ARFGEF1: variants seen among roughly 807,000 people sequenced by gnomAD.
The protein encoded by ARFGEF1 is brefeldin A-inhibited guanine nucleotide-exchange protein 1.
In ARFGEF1, 42 loss-of-function variants were observed where a neutral mutation model predicts 231.0. The observed-to-expected ratio is 0.18, with a 90% CI of 0.14 to 0.24. The LOEUF (loss-of-function observed/expected upper bound fraction) is 0.24, where lower values mean the gene tolerates loss of function less well. Ranked by LOEUF, ARFGEF1 falls within the 10% of genes least tolerant of loss-of-function variation. The pLI is 1.00. For synonymous variants in ARFGEF1, 710 were observed against 732.3 expected (o/e 0.97, Z 0.49); for missense variants, 1,345 against 2,192.0 (o/e 0.61, Z 7.72).
At position 67,225,046 on chromosome 8, in the gene ARFGEF1, AG is replaced by A; in HGVS notation, c.4078-14del. 6.3e-7 allele frequency: 1 copy of A among 1,581,880 alleles called. No individual in the cohort carries two copies. The highest frequency in any genetic ancestry group is 1.2e-5 in the South Asian group (1 of 84,064). ...ATTCCTTGAAAGCCTTCAAGAAAAAAGGTAGGGTTATTAAAGGCAAAACATA... is the reference window on the plus strand; with the variant it reads ...ATTCCTTGAAAGCCTTCAAGAAAAAAGTAGGGTTATTAAAGGCAAAACATA... On this transcript the variant is annotated splice_polypyrimidine_tract_variant and intron_variant, in intron 28 of 38. Coordinates refer to ENST00000262215, the MANE Select transcript of ARFGEF1 (RefSeq NM_006421.5).
chr8:67,199,243 G>C, intron 38 of ARFGEF1, 145 bp from the exon 39 acceptor site: 2 of 869,456 alleles, frequency 2.3e-6, no homozygotes, highest in Non-Finnish European at 3.4e-6. Context: ...TTGTGGAACT[G>C]AGAGACAGAA....
At chr8:67,248,719 A>G (rs751025944) in intron 19 of ARFGEF1, among the ~76,000 whole-genome samples, 2 of 150,506 alleles carry the variant, frequency 1.3e-5, no homozygotes, top group Non-Finnish European at 2.9e-5. Flanking sequence ...AGTGGTTCTC[A>G]TTGTGCAGCT....
chr8:67,300,851 T>TAA (rs762595248), intron 3 of ARFGEF1, among the ~76,000 whole-genome samples: 10 of 130,922 alleles, frequency 7.6e-5, no homozygotes, highest in South Asian at 2.4e-4. Flanking sequence ...CTCAAAAAAT[T>TAA]AAAAAAAAAA....
At chr8:67,239,605 T>A (rs1314140917) in intron 20 of ARFGEF1, among the ~76,000 whole-genome samples, 1 of 152,196 alleles carries the variant, frequency 6.6e-6, no homozygotes, top group African/African-American at 2.4e-5. Context: ...ATTTATACAT[T>A]TGCTCATTTT....
At chr8:67,272,150 T>C (rs1023891030) in intron 9 of ARFGEF1, among the ~76,000 whole-genome samples, 1 of 152,194 alleles carries the variant, frequency 6.6e-6, no homozygotes, top group African/African-American at 2.4e-5. Context: ...CCCTGAACCA[T>C]ATATTTATAA....
chr8:67,227,025 G>A (rs1839397639), intron 27 of ARFGEF1, 112 bp downstream of exon 27: 3 of 962,284 alleles, frequency 3.1e-6, no homozygotes, highest in South Asian at 4.3e-5. Context: ...TGTAGACAAA[G>A]CTTGGTAAAC....
chr8:67,326,591 T>C (rs1807844520), intron 1 of ARFGEF1, among the ~76,000 whole-genome samples: 1 of 152,202 alleles, frequency 6.6e-6, no homozygotes. Flanking sequence ...TTAGGTTCTC[T>C]CAAAAATACT....
intron 22 of ARFGEF1, among the ~76,000 whole-genome samples, chr8:67,235,583 T>C (rs1204677664): frequency 6.6e-6 from 1 of 152,070 alleles, no homozygotes. Flanking sequence ...AGTCCTAGCA[T>C]TTTGGGAGGC....
chr8:67,200,059 C>T (rs1838271807), intron 38 of ARFGEF1: 4 of 367,222 alleles, frequency 1.1e-5, no homozygotes, highest in South Asian at 8.2e-5. Flanking sequence ...AGTACAAGGC[C>T]ATGAGGTGGT....
chr8:67,326,834 A>G (rs1472595041), intron 1 of ARFGEF1, among the ~76,000 whole-genome samples: 3 of 152,234 alleles, frequency 2.0e-5, no homozygotes, highest in Admixed American at 2.0e-4. Context: ...TATCAATGAC[A>G]TTAAGTCAGG....
intron 19 of ARFGEF1, among the ~76,000 whole-genome samples, chr8:67,241,980 G>A (rs1051098062): frequency 6.6e-6 from 1 of 152,194 alleles, no homozygotes; most frequent in Non-Finnish European, 1.5e-5. Context: ...GCAAAACTGA[G>A]CTGAACTGAG....
rs142161729 is a variant in ARFGEF1, at chr8:67,200,575, A to T, written c.5268-62T>A. On this transcript the variant is annotated intron_variant, in intron 37 of 38. Coordinates refer to ENST00000262215, the MANE Select transcript of ARFGEF1 (RefSeq NM_006421.5). ...TATCTACTGGTCCCCATATTCACCG[A>T]GAAAGAGCAATCATGAACATAGTAG... The T allele has an allele frequency of 9.5e-3, 9,472 of 994,970 alleles. 55 individuals carry two copies. Among genetic ancestry groups the T allele is most frequent in the South Asian group, 0.013 (902 of 69,258 alleles). 61.6% of individuals were successfully genotyped at this position (994,970 alleles called of 1,614,324 possible).
intron 19 of ARFGEF1, among the ~76,000 whole-genome samples, chr8:67,244,446 C>T (rs1232916211): frequency 1.4e-5 from 2 of 147,778 alleles, no homozygotes; most frequent in Non-Finnish European, 1.5e-5. Flanking sequence ...GTAGCTGGAA[C>T]CACAGGCACA....
intron 31 of ARFGEF1, 39 bp from the exon 32 acceptor site, chr8:67,217,959 G>A (rs758724655): frequency 1.2e-6 from 2 of 1,611,354 alleles, no homozygotes; most frequent in Non-Finnish European, 8.5e-7. Context: ...ATATTACCAG[G>A]GTCACATTTA....
intron 3 of ARFGEF1, among the ~76,000 whole-genome samples, chr8:67,300,353 T>C (rs959079587): frequency 7.2e-5 from 11 of 152,336 alleles, no homozygotes; most frequent in Non-Finnish European, 1.3e-4. Flanking sequence ...AGTATTCCTC[T>C]ACTTAGAAAC....
chr8:67,322,173 C>G (rs1807627538), intron 1 of ARFGEF1, among the ~76,000 whole-genome samples: 1 of 152,178 alleles, frequency 6.6e-6, no homozygotes, highest in Non-Finnish European at 1.5e-5. Flanking sequence ...ACTAAAACCC[C>G]TTTCAGTGGT....
intron 20 of ARFGEF1, among the ~76,000 whole-genome samples, chr8:67,239,930 GA>G (rs138931646): frequency 1.6e-3 from 247 of 151,714 alleles, no homozygotes; most frequent in African/African-American, 5.8e-3. Flanking sequence ...CTTCAATAGA[GA>G]AAAAAAACTG....
intron 15 of ARFGEF1, 94 bp downstream of exon 15, chr8:67,259,721 C>T (rs1840579898): frequency 1.2e-6 from 1 of 815,200 alleles, no homozygotes. Flanking sequence ...TCAAAACTAG[C>T]CTGGGCAATA....
At chr8:67,212,796 T>TA (rs1230126123) in intron 33 of ARFGEF1, among the ~76,000 whole-genome samples, 1 of 152,212 alleles carries the variant, frequency 6.6e-6, no homozygotes, top group Non-Finnish European at 1.5e-5. Flanking sequence ...TTCTCAGAAT[T>TA]AAAAATGTAT....
Sources: allele counts gnomAD v4.1 joint callset (sites outside exome capture counted in the v4.1 genomes callset), GRCh38; gene constraint gnomAD v4.1.1; transcripts MANE v1.5; gene names NCBI Gene and HGNC (gene_info 2026-07-23, HGNC 2026-07-21).